SH3TC1: variants seen among roughly 807,000 people sequenced by gnomAD.
SH3TC1 encodes SH3 domain and tetratricopeptide repeats 1.
In SH3TC1, 135 loss-of-function variants were observed where a neutral mutation model predicts 117.3. The observed-to-expected ratio is 1.15, with a 90% confidence interval of 1.00 to 1.33. The LOEUF is 1.33. SH3TC1 is among the 40% of genes most tolerant of loss of function. The pLI is 0.00. For synonymous variants in SH3TC1, 898 were observed against 816.9 expected (o/e 1.10, Z -1.69); for missense variants, 2,092 against 1,794.3 (o/e 1.17, Z -3.00).
At chr4:8,215,980 C>A in intron 5 of SH3TC1, 131 bp from the exon 6 acceptor site, 3 of 1,132,378 alleles carry the variant, frequency 2.6e-6, no homozygotes, top group Non-Finnish European at 3.7e-6. Flanking sequence ...CACCCCAGGG[C>A]AGGTGGGTGT....
At position 8,212,772 on chromosome 4, in the gene SH3TC1, C is replaced by A. The variant is rs752988270; in HGVS notation, c.319C>A (p.Arg107=). The change falls in exon 4 of 18, where the codon CGG becomes AGG. Residue 107 remains arginine, a synonymous_variant. Transcript: ENST00000245105. ...LRDPGLQQTL[R]GQLRLLENDS... Reference sequence around the variant, plus strand: ...GGACCCCGGCCTACAGCAGACCCTCCGGGGCCAGCTCCGCCTGCTGGAGAA... The same window carrying A: ...GGACCCCGGCCTACAGCAGACCCTCAGGGGCCAGCTCCGCCTGCTGGAGAA... 1.2e-5 allele frequency: 19 copies of A among 1,611,612 alleles called. No individual in the cohort carries two copies. Among genetic ancestry groups the A allele is most frequent in the Non-Finnish European group, 1.4e-5 (17 of 1,179,446 alleles).
intron 3 of SH3TC1, among the ~76,000 whole-genome samples, chr4:8,211,315 T>C (rs887029069): frequency 2.6e-4 from 3 of 11,562 alleles, no homozygotes; most frequent in East Asian, 3.2e-3. Flanking sequence ...TCCTCCCTCC[T>C]TCTCCCCCTC....
At chr4:8,202,204 G>A (rs1717886264) in intron 1 of SH3TC1, among the ~76,000 whole-genome samples, 1 of 152,208 alleles carries the variant, frequency 6.6e-6, no homozygotes. Context: ...GTCCTGCAGA[G>A]CAAGGAGGAG....
rs138103889 is a variant in SH3TC1, at chr4:8,236,282, G to A, written c.3410G>A (p.Arg1137Gln). Residue 1137 changes from arginine to glutamine, a missense_variant, in exon 16 of 18, where the codon CGG becomes CAG. Coordinates refer to ENST00000245105, the MANE Select transcript of SH3TC1 (RefSeq NM_018986.5). ...CCCCACCTGCCTGTGTGGCAGGACC[G>A]GGCCCTGCCCCTGGCAGTGACTACG... is the stretch of plus-strand genomic sequence containing the variant. ...REKAVSFYRDRALPLAVTTGN... is the reference protein window; with the variant it reads ...REKAVSFYRDQALPLAVTTGN... 54 of 1,550,842 alleles carry A rather than the reference G, an allele frequency of 3.5e-5. No homozygotes were observed. Among genetic ancestry groups the A allele is most frequent in the Middle Eastern group, 2.1e-4 (1 of 4,696 alleles).
rs558447836 is a variant in SH3TC1, at chr4:8,240,533, C to T, written c.3754-165C>T. ...GAATCCTTCCAGGGGGTGCCAGGGC[C>T]GTCTCCACCTCCTGCAGCTGAGCCC... On this transcript the variant is annotated intron_variant, in intron 17 of 17. Transcript: ENST00000245105. 9.8e-5 allele frequency among the ~76,000 whole-genome samples: 15 copies of T among 152,300 alleles called. No homozygotes were observed. The South Asian group carries it at 1.9e-3, about 19-fold the overall frequency.
chr4:8,222,743 C>G, intron 9 of SH3TC1, 97 bp from the exon 10 acceptor site: 1 of 1,469,366 alleles, frequency 6.8e-7, no homozygotes, highest in Non-Finnish European at 9.3e-7. Context: ...TGCTCCGAGA[C>G]TATCTGTCTG....
At chr4:8,233,190 C>T (rs186640879) in intron 13 of SH3TC1, 173 bp from the exon 14 acceptor site, 164 of 1,401,590 alleles carry the variant, frequency 1.2e-4, no homozygotes, top group Admixed American at 7.8e-4. Context: ...TTTTCCTTGC[C>T]GTGTGTGTTC....
rs896691484 is a variant in SH3TC1, at chr4:8,209,348, G to A, written c.173-400G>A. On this transcript the variant is annotated intron_variant, in intron 2 of 17. Coordinates refer to ENST00000245105, the MANE Select transcript of SH3TC1 (RefSeq NM_018986.5). The surrounding 1 kb of genome is among the most constrained non-coding windows in gnomAD (Gnocchi z 5.9). ...AGAAAAGGAGATGCAGTGACAAAGC[G>A]GAAGTAGAAGTGGCGGCCACAAGCC... Among the ~76,000 whole-genome samples the A allele has an allele frequency of 3.9e-5, 6 of 152,196 alleles. No homozygotes were observed. The highest frequency in any genetic ancestry group is 6.5e-5 in the Admixed American group (1 of 15,288).
Position 8,232,951 on chromosome 4 carries a change from C to A in SH3TC1, c.3132-412C>A, listed in dbSNP as rs1721383119. The A allele has an allele frequency of 2.2e-5, 26 of 1,192,316 alleles. 1 individual carries two copies. In the South Asian group the frequency reaches 4.0e-4, roughly 18 times the overall value. 73.9% of individuals were successfully genotyped at this position (1,192,316 alleles called of 1,614,324 possible). A position where few individuals can be genotyped will look rare whatever the true frequency, so the allele number is the denominator to read the frequency against. On this transcript the variant is annotated intron_variant, in intron 13 of 17. Transcript: ENST00000245105. ...AGGGCCCGCCCCAGGCCCGTGGAGC[C>A]AGAAGCTCTGGGGGCAGGCCAGCAA... is the stretch of plus-strand genomic sequence containing the variant.
intron 1 of SH3TC1, among the ~76,000 whole-genome samples, chr4:8,185,301 A>G (rs1353621679): frequency 6.6e-6 from 1 of 151,960 alleles, no homozygotes; most frequent in Non-Finnish European, 1.5e-5. Flanking sequence ...GAGCAGTTAC[A>G]CTACAGCCTG....
At position 8,233,378 on chromosome 4, in the gene SH3TC1, A is replaced by G. The variant is rs538669689; in HGVS notation, c.3147A>G (p.Ala1049=). 20 of 1,611,392 alleles carry G rather than the reference A, an allele frequency of 1.2e-5. No homozygotes were observed. In the Middle Eastern group the frequency reaches 5.0e-4, roughly 40 times the overall value. ...CTGATACCAGGGCCTACAAATCCGC[A>G]CTGGACTACACCAAACGAAGTCTGG... ...SLGTERAYKS[A]LDYTKRSLGI... The change falls in exon 14 of 18, where the codon GCA becomes GCG. Residue 1049 remains alanine, a synonymous_variant. Transcript: ENST00000245105.
intron 15 of SH3TC1, 38 bp downstream of exon 15, chr4:8,235,593 G>A (rs200192489): frequency 3.6e-5 from 55 of 1,530,698 alleles, no homozygotes; most frequent in Non-Finnish European, 4.5e-5. Context: ...TGGGCCCCAG[G>A]GGGGGCACCT....
chr4:8,194,156 C>T (rs1042257063), intron 1 of SH3TC1, among the ~76,000 whole-genome samples: 2 of 152,022 alleles, frequency 1.3e-5, no homozygotes, highest in African/African-American at 4.8e-5. Flanking sequence ...CTGGGACCTT[C>T]GAGATGGATA....
rs1363018368 is a variant in SH3TC1 at position 8,235,512 on chromosome 4, T to C, written c.3362T>C (p.Phe1121Ser). ...TTTGAGGCGGCTGGAGACATCTTCTTCGACGGGGCCTGGGAGCGGGAGAAA... is the reference window on the plus strand; with the variant it reads ...TTTGAGGCGGCTGGAGACATCTTCTCCGACGGGGCCTGGGAGCGGGAGAAA... ...ELFEAAGDIFFDGAWEREKAV... is the reference protein window; with the variant it reads ...ELFEAAGDIFSDGAWEREKAV... The change falls in exon 15 of 18, where the codon TTC becomes TCC. Residue 1121 changes from phenylalanine (F) to serine (S), a missense_variant. Coordinates refer to ENST00000245105, the MANE Select transcript of SH3TC1 (RefSeq NM_018986.5). 2.5e-6 allele frequency: 4 copies of C among 1,606,902 alleles called. No homozygotes were observed. The highest frequency in any genetic ancestry group is 1.7e-4 in the Middle Eastern group (1 of 6,050).
intron 10 of SH3TC1, chr4:8,224,942 A>G: frequency 1.9e-6 from 1 of 519,862 alleles, no homozygotes; most frequent in Non-Finnish European, 3.4e-6. Flanking sequence ...CCTCTCCCTC[A>G]GGTGTCAGCA....
chr4:8,232,517 C>T (rs1223243918), intron 13 of SH3TC1: 1 of 1,386,640 alleles, frequency 7.2e-7, no homozygotes, highest in Non-Finnish European at 9.6e-7. Flanking sequence ...TCCTGGCCTT[C>T]ACCTGTCCCC....
Position 8,217,060 on chromosome 4 carries a change from C to T in SH3TC1, c.732C>T (p.Pro244=). ...CCCTCAGGCAGGCTTCGGGGGCACC[C>T]CAGGGAGAGGCGGCCCCGGAAACAG... ...PQALRQASGA[P]QGEAAPETDS... The change falls in exon 7 of 18, where the codon CCC becomes CCT. Residue 244 remains proline (P), a synonymous_variant. Transcript: ENST00000245105. 1 of 1,613,036 alleles carries T rather than the reference C, an allele frequency of 6.2e-7. No homozygotes were observed. The highest frequency in any genetic ancestry group is 8.5e-7 in the Non-Finnish European group (1 of 1,179,568).
intron 11 of SH3TC1, among the ~76,000 whole-genome samples, chr4:8,226,585 G>A (rs1720476038): frequency 6.6e-6 from 1 of 152,238 alleles, no homozygotes; most frequent in South Asian, 2.1e-4. Context: ...TACATTTGTA[G>A]TCGTAGTGCT....
At position 8,205,532 on chromosome 4, in the gene SH3TC1, A is replaced by T. The variant is rs774608495; in HGVS notation, c.172+166A>T. On this transcript the variant is annotated intron_variant, in intron 2 of 17. Transcript: ENST00000245105. The surrounding 1 kb of genome is among the most constrained non-coding windows in gnomAD (Gnocchi z 5.4). ...TCGTTTCCTTCCCCCGCGTGTGTTT[A>T]ACAGGAGCCACTGTGCCCGCTGAGT... The T allele has an allele frequency of 1.0e-6, 1 of 997,082 alleles. No homozygotes were observed. Among genetic ancestry groups the T allele is most frequent in the Non-Finnish European group, 1.6e-6 (1 of 628,318 alleles). The allele number at this position is 997,082 out of a possible 1,614,324, so 61.8% of individuals were successfully genotyped here.
Sources: allele counts gnomAD v4.1 joint callset (sites outside exome capture counted in the v4.1 genomes callset), GRCh38; gene constraint gnomAD v4.1.1; non-coding constraint Gnocchi (gnomAD v3.1); transcripts MANE v1.5; gene names NCBI Gene and HGNC (gene_info 2026-07-23, HGNC 2026-07-21).